SPPL2A: variants seen among roughly 807,000 people sequenced by gnomAD.
SPPL2A encodes signal peptide peptidase like 2A.
A neutral mutation model predicts 63.8 loss-of-function variants in SPPL2A; 51 were observed. The observed-to-expected ratio is 0.80, with a 90% CI of 0.64 to 1.01. The LOEUF (loss-of-function observed/expected upper bound fraction) is 1.01. SPPL2A is among the 50% of genes least tolerant of loss of function. The pLI, the probability that SPPL2A is intolerant of heterozygous loss-of-function variation, is 0.00. For synonymous variants in SPPL2A, 188 were observed against 205.8 expected, an observed-to-expected ratio of 0.91 and a Z score of 0.74; for missense variants, 553 against 622.7, an observed-to-expected ratio of 0.89 and a Z score of 1.19.
chr15:50,751,907 C>A (rs1596396443), intron 1 of SPPL2A, among the ~76,000 whole-genome samples: 1 of 152,110 alleles, frequency 6.6e-6, no homozygotes, highest in East Asian at 1.9e-4. Flanking sequence ...TCTTGGCTCA[C>A]TGCAACCTCC....
chr15:50,725,171 TA>T, intron 12 of SPPL2A, 49 bp downstream of exon 12: 1 of 1,103,094 alleles, frequency 9.1e-7, no homozygotes, highest in South Asian at 1.3e-5. Flanking sequence ...TATGACGATT[TA>T]AAATCATCAG....
intron 13 of SPPL2A, among the ~76,000 whole-genome samples, chr15:50,721,923 G>C (rs1421071095): frequency 6.6e-6 from 1 of 151,854 alleles, no homozygotes; most frequent in African/African-American, 2.4e-5. Context: ...TGTTTTTTTA[G>C]AGATGGGGTC....
intron 14 of SPPL2A, among the ~76,000 whole-genome samples, chr15:50,718,212 C>G (rs945722787): frequency 6.6e-6 from 1 of 151,852 alleles, no homozygotes; most frequent in Non-Finnish European, 1.5e-5. Context: ...CTCCTGACCT[C>G]GTGATCCTCC....
intron 8 of SPPL2A, among the ~76,000 whole-genome samples, chr15:50,735,411 C>T (rs1023592214): frequency 6.6e-6 from 1 of 151,810 alleles, no homozygotes; most frequent in Non-Finnish European, 1.5e-5. Flanking sequence ...CCTGGAACTC[C>T]CTGCATATCA....
intron 1 of SPPL2A, among the ~76,000 whole-genome samples, chr15:50,755,706 T>C (rs552645796): frequency 7.1e-6 from 1 of 140,742 alleles, no homozygotes; most frequent in African/African-American, 2.7e-5. Flanking sequence ...ACCTACTGAA[T>C]CAGAAGTTCT....
Position 50,728,418 on chromosome 15 carries a change from A to C in SPPL2A, c.1090-2041T>G, listed in dbSNP as rs2062703114. 2.6e-5 allele frequency among the ~76,000 whole-genome samples: 4 copies of C among 151,678 alleles called. No homozygotes were observed. In the Admixed American group the frequency reaches 2.6e-4, roughly 10 times the overall value. The stretch of plus-strand genomic sequence containing the variant: ...GAGTGCAGTGACACGATCTCGGATC[A>C]CTGCAAGCTCTGCCTCCTGGGTTCA... On this transcript the variant is annotated intron_variant, in intron 10 of 14. Transcript: ENST00000261854.
At chr15:50,717,609 A>G (rs1454658867) in intron 14 of SPPL2A, among the ~76,000 whole-genome samples, 2 of 152,152 alleles carry the variant, frequency 1.3e-5, no homozygotes, top group South Asian at 2.1e-4. Context: ...TGCTACATAC[A>G]AGGCTCTCAC....
At chr15:50,709,983 A>G (rs948569619) in intron 14 of SPPL2A, among the ~76,000 whole-genome samples, 1 of 151,728 alleles carries the variant, frequency 6.6e-6, no homozygotes, top group African/African-American at 2.4e-5. Flanking sequence ...AGTTCACTAC[A>G]TGAAACATAA....
At chr15:50,738,748 T>C (rs777754580) in intron 6 of SPPL2A, among the ~76,000 whole-genome samples, 4 of 152,102 alleles carry the variant, frequency 2.6e-5, no homozygotes, top group Admixed American at 6.6e-5. Flanking sequence ...GATGGCAAAT[T>C]TCCATTCTAT....
rs1181744515 is a variant in SPPL2A, at chr15:50,749,750, G to C, written c.67-4C>G. ...AGATTGCTTCCTGAGCGGCTGTCTA[G>C]GAGACAAACAATAACTTTCAAACTT... is the stretch of plus-strand genomic sequence containing the variant. On this transcript the variant is annotated splice_polypyrimidine_tract_variant and splice_region_variant and intron_variant, in intron 1 of 14. Coordinates refer to ENST00000261854, the MANE Select transcript of SPPL2A (RefSeq NM_032802.4). 1 of 1,590,040 alleles carries C rather than the reference G, an allele frequency of 6.3e-7. No individual in the cohort carries two copies. Among genetic ancestry groups the C allele is most frequent in the East Asian group, 2.2e-5 (1 of 44,792 alleles).
intron 14 of SPPL2A, among the ~76,000 whole-genome samples, chr15:50,711,781 A>C (rs1202827857): frequency 6.6e-6 from 1 of 151,886 alleles, no homozygotes; most frequent in Non-Finnish European, 1.5e-5. Flanking sequence ...CGAATGAACC[A>C]AATGACTAAT....
intron 1 of SPPL2A, among the ~76,000 whole-genome samples, chr15:50,757,108 A>C (rs1390959822): frequency 1.8e-5 from 1 of 56,892 alleles, no homozygotes; most frequent in Non-Finnish European, 3.5e-5. Context: ...TTTGAGACAG[A>C]GTCTCACTCT....
Position 50,720,103 on chromosome 15 carries a change from G to A in SPPL2A, c.1328-3C>T. ...AAGTATCATGCCAATAGCATAGGCT[G>A]CAAGAAGAATACCAAGCTATAAGTC... On this transcript the variant is annotated splice_polypyrimidine_tract_variant and splice_region_variant and intron_variant, in intron 13 of 14. Transcript: ENST00000261854. 1.2e-6 allele frequency: 2 copies of A among 1,601,226 alleles called. No homozygotes were observed. Among genetic ancestry groups the A allele is most frequent in the South Asian group, 1.1e-5 (1 of 88,414 alleles).
At chr15:50,728,202 TTATC>T (rs1470969724) in intron 10 of SPPL2A, among the ~76,000 whole-genome samples, 1 of 152,210 alleles carries the variant, frequency 6.6e-6, no homozygotes, top group East Asian at 1.9e-4. Flanking sequence ...ATGTTATGGA[TTATC>T]TGTTGATTTA....
chr15:50,749,976 G>A (rs921534375), intron 1 of SPPL2A: 1 of 556,924 alleles, frequency 1.8e-6, no homozygotes, highest in Non-Finnish European at 3.2e-6. Flanking sequence ...ACTTTCTTAA[G>A]GGAGTAACAA....
At chr15:50,764,432 A>T (rs1313092917) in intron 1 of SPPL2A, 1 of 152,178 alleles carries the variant, frequency 6.6e-6, no homozygotes, top group Non-Finnish European at 1.5e-5. Flanking sequence ...ATACACCAAA[A>T]GGCACTTACT....
chr15:50,749,659 G>C lies in SPPL2A; in HGVS notation c.154C>G (p.Leu52Val). 2 of 1,603,156 alleles carry C rather than the reference G, an allele frequency of 1.2e-6. No individual in the cohort carries two copies. Among genetic ancestry groups the C allele is most frequent in the Admixed American group, 1.7e-5 (1 of 59,982 alleles). The change falls in exon 2 of 15, where the codon CTT (leucine) becomes GTT (valine). Residue 52 changes from leucine (L) to valine (V), a missense_variant. By Grantham distance (32) the Leu-to-Val change is conservative. Coordinates refer to ENST00000261854, the MANE Select transcript of SPPL2A (RefSeq NM_032802.4). ...ACTGCATTTTCTAGGGTACTTGGAA[G>C]AGCTGTCCAATAAGGGTTATAAAGC... Reference protein sequence around the residue: ...CMLYNPYWTALPSTLENATSI... With the variant: ...CMLYNPYWTAVPSTLENATSI...
chr15:50,723,887 G>T (rs750205717), intron 12 of SPPL2A, among the ~76,000 whole-genome samples: 15 of 152,164 alleles, frequency 9.9e-5, no homozygotes, highest in Non-Finnish European at 1.6e-4. Flanking sequence ...ATCTCAGCTT[G>T]TCATGTATTG....
chr15:50,722,248 T>C (rs887128333), intron 12 of SPPL2A, 47 bp from the exon 13 acceptor site: 2 of 1,066,506 alleles, frequency 1.9e-6, no homozygotes, highest in Non-Finnish European at 1.4e-6. Context: ...ATAACAGCAA[T>C]GCAAATTCAA....
Sources: gnomAD v4.1 joint callset for allele counts (sites outside exome capture counted in the v4.1 genomes callset) on GRCh38, gnomAD v4.1.1 for gene constraint, MANE v1.5 for transcripts, NCBI Gene and HGNC (gene_info 2026-07-23, HGNC 2026-07-21) for gene names.